The following IFT74 variants were observed in gnomAD, a reference collection of about 807,000 sequenced individuals.
IFT74 encodes intraflagellar transport 74, also known as intraflagellar transport protein 74 homolog.
In IFT74, 92 loss-of-function variants were observed where a neutral mutation model predicts 96.7. That is an observed-to-expected ratio of 0.95 (90% CI 0.80 to 1.13). IFT74 has a LOEUF of 1.13. IFT74 is among the 50% of genes most tolerant of loss of function. The pLI is 0.00. For missense variants in IFT74, 811 were observed against 698.2 expected (o/e 1.16, Z -1.82); for synonymous variants, 223 against 213.2 (o/e 1.05, Z -0.40).
Position 26,987,225 on chromosome 9 carries a change from T to C in IFT74, c.466-1444T>C, listed in dbSNP as rs375124890. Among the ~76,000 whole-genome samples the C allele has an allele frequency of 1.3e-4, 19 of 151,978 alleles. No individual in the cohort carries two copies. The East Asian group carries it at 1.8e-3, about 14-fold the overall frequency. On this transcript the variant is annotated intron_variant, in intron 6 of 19. Coordinates refer to ENST00000380062, the MANE Select transcript of IFT74 (RefSeq NM_025103.4). ...CCACCAGCTGGGATTACAGGTGCGGTCCTGAGTAGCTGGGATTACAGGTGC... is the reference window on the plus strand; with the variant it reads ...CCACCAGCTGGGATTACAGGTGCGGCCCTGAGTAGCTGGGATTACAGGTGC...
chr9:26,998,135 C>T, intron 8 of IFT74: 1 of 1,610,330 alleles, frequency 6.2e-7, no homozygotes, highest in Non-Finnish European at 8.5e-7. Context: ...TGTGTCTGTA[C>T]CATTAAGAGT....
intron 1 of IFT74, among the ~76,000 whole-genome samples, chr9:26,948,444 C>CATTATT (rs1228760884): frequency 3.7e-5 from 3 of 80,940 alleles, no homozygotes; most frequent in Non-Finnish European, 6.0e-5. Flanking sequence ...GATGGCTTTC[C>CATTATT]ATTATTTTTT....
intron 16 of IFT74, among the ~76,000 whole-genome samples, chr9:27,048,941 G>A (rs965179312): frequency 1.3e-5 from 2 of 152,150 alleles, no homozygotes; most frequent in East Asian, 3.9e-4. Context: ...TGGGAGGTGG[G>A]CCTAGTGGGA....
chr9:26,952,280 C>T (rs1300681755), upstream of IFT74, among the ~76,000 whole-genome samples: 3 of 141,672 alleles, frequency 2.1e-5, no homozygotes, highest in Non-Finnish European at 1.5e-5. Context: ...TTTTTTTAAC[C>T]TTTTTTTTTT....
chr9:27,048,897 C>T (rs1374721126), intron 16 of IFT74, among the ~76,000 whole-genome samples: 1 of 152,114 alleles, frequency 6.6e-6, no homozygotes, highest in African/African-American at 2.4e-5. Context: ...TTTTTGTCCC[C>T]TCCAAATTTT....
intron 13 of IFT74, among the ~76,000 whole-genome samples, chr9:27,032,589 C>T (rs1054240336): frequency 6.6e-6 from 1 of 152,024 alleles, no homozygotes; most frequent in Non-Finnish European, 1.5e-5. Context: ...GTGTCCTGGC[C>T]GGGTGCAGTG....
intron 16 of IFT74, among the ~76,000 whole-genome samples, chr9:27,053,993 G>C (rs963374675): frequency 5.0e-4 from 76 of 152,190 alleles, no homozygotes; most frequent in Non-Finnish European, 9.7e-4. Flanking sequence ...GTATTTACGT[G>C]TACATACACA....
intron 12 of IFT74, among the ~76,000 whole-genome samples, chr9:27,026,281 C>T (rs1829856256): frequency 1.3e-5 from 2 of 152,088 alleles, no homozygotes. Context: ...AGGAAAATAT[C>T]ACAGTACTAA....
chr9:27,061,725 G>A (rs1307418526), intron 19 of IFT74, among the ~76,000 whole-genome samples: 1 of 148,578 alleles, frequency 6.7e-6, no homozygotes, highest in Non-Finnish European at 1.5e-5. Flanking sequence ...ATAGTTGTTT[G>A]TTGTTTATAT....
chr9:27,036,726 A>G (rs1819216786), intron 13 of IFT74: 1 of 1,279,400 alleles, frequency 7.8e-7, no homozygotes, highest in South Asian at 2.7e-5. Context: ...GGTGAAAGAA[A>G]TCCCTTACAG....
At chr9:26,991,620 C>T (rs1312227332) in intron 8 of IFT74, among the ~76,000 whole-genome samples, 2 of 151,906 alleles carry the variant, frequency 1.3e-5, no homozygotes, top group South Asian at 2.1e-4. Flanking sequence ...ATGGTAACCA[C>T]GCTCTTACTT....
At position 27,065,169 on chromosome 9, in the gene IFT74, T is replaced by A. The variant is rs73438253; in HGVS notation, c.*2433T>A. Among the ~76,000 whole-genome samples the A allele has an allele frequency of 0.019, 2,911 of 152,274 alleles. 97 individuals are homozygous for A. The highest frequency in any genetic ancestry group is 0.065 in the African/African-American group (2,713 of 41,548). ...GCAAGGCTTTCAATTTCCATCCTAA[T>A]TTATTCATATGTAATATTGGTGGGG... On this transcript the variant is annotated 3_prime_UTR_variant, in exon 20 of 20. Transcript: ENST00000380062.
At chr9:27,033,930 A>T (rs1002391911) in intron 13 of IFT74, among the ~76,000 whole-genome samples, 1 of 152,184 alleles carries the variant, frequency 6.6e-6, no homozygotes, top group East Asian at 1.9e-4. Flanking sequence ...AGTTTTTGTC[A>T]GTCAAGATAA....
intron 8 of IFT74, chr9:26,995,965 T>C (rs2131567051): frequency 1.3e-6 from 1 of 756,054 alleles, no homozygotes; most frequent in Non-Finnish European, 2.0e-6. Flanking sequence ...ACATACATTG[T>C]AGTTTTCTTT....
At chr9:27,050,258 C>T (rs2131691175) in intron 16 of IFT74, among the ~76,000 whole-genome samples, 1 of 152,212 alleles carries the variant, frequency 6.6e-6, no homozygotes, top group East Asian at 1.9e-4. Context: ...GGGGTTTCAC[C>T]ATGTTTTCCA....
At chr9:26,955,813 T>A (rs1826065401), upstream of IFT74, 1 of 149,268 alleles carries the variant, frequency 6.7e-6, no homozygotes, top group African/African-American at 2.5e-5. Flanking sequence ...AGAAGTGGGA[T>A]TTAAGGTGAA....
At chr9:26,969,494 ATGT>A (rs1258444226) in intron 2 of IFT74, among the ~76,000 whole-genome samples, 7 of 151,594 alleles carry the variant, frequency 4.6e-5, no homozygotes, top group East Asian at 1.9e-4. Flanking sequence ...TAGTTGGATT[ATGT>A]TGTTGTTGTT....
chr9:26,985,564 A>C (rs1247681621), intron 6 of IFT74, among the ~76,000 whole-genome samples: 1 of 152,126 alleles, frequency 6.6e-6, no homozygotes, highest in East Asian at 1.9e-4. Context: ...GAAACCATAA[A>C]AATTACAACA....
chr9:27,033,848 G>A (rs1038298995), intron 13 of IFT74, among the ~76,000 whole-genome samples: 4 of 151,882 alleles, frequency 2.6e-5, no homozygotes, highest in African/African-American at 9.7e-5. Flanking sequence ...CCCAGAAAAG[G>A]TTGTATTATG....
Sources: allele counts gnomAD v4.1 joint callset (sites outside exome capture counted in the v4.1 genomes callset), GRCh38; gene constraint gnomAD v4.1.1; transcripts MANE v1.5; gene names NCBI Gene and HGNC (gene_info 2026-07-23, HGNC 2026-07-21).